HPSE2: variants seen among roughly 807,000 people sequenced by gnomAD.
The protein encoded by HPSE2 is heparanase 2 (inactive).
HPSE2 carries 38 observed loss-of-function variants against 60.5 expected under a neutral mutation model. The ratio of observed to expected loss-of-function variants is 0.63; its 90% CI spans 0.48 to 0.82. The LOEUF (loss-of-function observed/expected upper bound fraction) is 0.82. Among genes scored for constraint, HPSE2 ranks in the 40% least tolerant of loss-of-function variants. HPSE2 has a pLI of 0.00. For synonymous variants in HPSE2, 295 were observed against 293.2 expected (o/e 1.01, Z -0.06); for missense variants, 713 against 740.4 (o/e 0.96, Z 0.43).
At chr10:98,618,983 C>T (rs573140298) in intron 8 of HPSE2, among the ~76,000 whole-genome samples, 5 of 152,290 alleles carry the variant, frequency 3.3e-5, no homozygotes, top group East Asian at 3.9e-4. Flanking sequence ...TGCTACACAA[C>T]GTTAGATGCT....
chr10:98,472,367 C>T (rs1376390866), intron 11 of HPSE2, among the ~76,000 whole-genome samples: 4 of 152,250 alleles, frequency 2.6e-5, no homozygotes, highest in Admixed American at 6.5e-5. Context: ...TCTTGCCATT[C>T]GGTGCTCTCA....
intron 2 of HPSE2, among the ~76,000 whole-genome samples, chr10:99,165,616 G>A (rs1416644400): frequency 1.3e-5 from 2 of 151,038 alleles, no homozygotes; most frequent in African/African-American, 2.4e-5. Flanking sequence ...GTGTGATCTC[G>A]GCTCACTGCA....
At chr10:98,935,145 G>T (rs575142119) in intron 3 of HPSE2, among the ~76,000 whole-genome samples, 1 of 142,158 alleles carries the variant, frequency 7.0e-6, no homozygotes, top group Non-Finnish European at 1.5e-5. Context: ...GGTTGCTTAT[G>T]TTCCTCTCTA....
chr10:98,806,907 G>A (rs1453373887), intron 3 of HPSE2, among the ~76,000 whole-genome samples: 2 of 152,164 alleles, frequency 1.3e-5, no homozygotes, highest in Non-Finnish European at 2.9e-5. Context: ...ACTTTGGGAG[G>A]CCGAGGCAGG....
intron 5 of HPSE2, among the ~76,000 whole-genome samples, chr10:98,719,239 T>C (rs1318119748): frequency 2.0e-5 from 3 of 152,150 alleles, no homozygotes; most frequent in Non-Finnish European, 4.4e-5. Flanking sequence ...ACACTTACTA[T>C]GTTCCTAGAT....
intron 6 of HPSE2, among the ~76,000 whole-genome samples, chr10:98,663,703 C>G (rs1229009960): frequency 6.6e-6 from 1 of 152,142 alleles, no homozygotes; most frequent in Non-Finnish European, 1.5e-5. Flanking sequence ...GGAGAACTTT[C>G]CTGAACCCCA....
intron 3 of HPSE2, among the ~76,000 whole-genome samples, chr10:98,818,338 G>A (rs1280638629): frequency 2.0e-5 from 3 of 152,050 alleles, no homozygotes; most frequent in South Asian, 2.1e-4. Context: ...ACCTCCAATC[G>A]GTAGGCATTA....
intron 3 of HPSE2, among the ~76,000 whole-genome samples, chr10:98,854,558 T>C (rs897493059): frequency 2.0e-5 from 3 of 152,118 alleles, no homozygotes; most frequent in African/African-American, 7.2e-5. Context: ...TCACCAAACA[T>C]GGATGTACCT....
chr10:99,308,541 A>T, the HPSE2 span, among the ~76,000 whole-genome samples: 2 of 152,028 alleles, frequency 1.3e-5, no homozygotes, highest in African/African-American at 4.8e-5. Context: ...AAATTCGTTA[A>T]CCCTTTTTCT....
intron 4 of HPSE2, among the ~76,000 whole-genome samples, chr10:98,743,309 G>A (rs1344494246): frequency 6.6e-6 from 1 of 152,090 alleles, no homozygotes; most frequent in Non-Finnish European, 1.5e-5. Flanking sequence ...CTATGTGACT[G>A]CACAGGCTGC....
At chr10:98,576,930 T>C (rs1944657473) in intron 9 of HPSE2, among the ~76,000 whole-genome samples, 1 of 152,006 alleles carries the variant, frequency 6.6e-6, no homozygotes, top group Non-Finnish European at 1.5e-5. Context: ...TCATGGTGAG[T>C]GCAGCTTCTC....
rs573297920 is a variant in HPSE2 at position 98,610,308 on chromosome 10, T to C, written c.1320+4596A>G. Among the ~76,000 whole-genome samples the C allele has an allele frequency of 3.4e-4, 52 of 152,338 alleles. 1 individual carries two copies. The highest frequency in any genetic ancestry group is 2.0e-3 in the Admixed American group (31 of 15,300). ...TGGAGGGAAACAAGGATGGAGCATC[T>C]AGGATCTTGTCCTAGGATCTTGTGA... On this transcript the variant is annotated intron_variant, in intron 9 of 11. Transcript: ENST00000370552.
At chr10:99,073,688 C>T (rs905588894) in intron 3 of HPSE2, among the ~76,000 whole-genome samples, 8 of 152,134 alleles carry the variant, frequency 5.3e-5, no homozygotes, top group Non-Finnish European at 7.4e-5. Flanking sequence ...TCTATAAACA[C>T]GAGCTGTCTC....
At chr10:98,563,630 A>G (rs598076) in intron 9 of HPSE2, among the ~76,000 whole-genome samples, 129,334 of 152,192 alleles carry the variant, frequency 0.85, 56,214 homozygotes, top group East Asian at 1. Flanking sequence ...AGAAAATAAA[A>G]AAATATACAA....
chr10:98,574,271 A>T (rs538274841), intron 9 of HPSE2, among the ~76,000 whole-genome samples: 3 of 152,276 alleles, frequency 2.0e-5, no homozygotes, highest in African/African-American at 7.2e-5. Context: ...TTACTGCAGC[A>T]TTAAAAAACG....
intron 3 of HPSE2, among the ~76,000 whole-genome samples, chr10:98,914,371 G>A (rs562320909): frequency 2.6e-5 from 4 of 152,046 alleles, no homozygotes; most frequent in South Asian, 4.1e-4. Context: ...AGTCAGCCTC[G>A]GGTATGTCTT....
chr10:98,800,513 T>C (rs1039203166), intron 3 of HPSE2, among the ~76,000 whole-genome samples: 4 of 148,430 alleles, frequency 2.7e-5, no homozygotes, highest in Non-Finnish European at 5.9e-5. Context: ...ACATATATAA[T>C]AAAATAAAAT....
At chr10:98,870,141 A>G (rs1289192811) in intron 3 of HPSE2, among the ~76,000 whole-genome samples, 1 of 152,184 alleles carries the variant, frequency 6.6e-6, no homozygotes, top group Non-Finnish European at 1.5e-5. Context: ...ATAACAAACT[A>G]TCCAGTGAAT....
chr10:98,467,958 C>T (rs925639601), intron 11 of HPSE2, among the ~76,000 whole-genome samples: 3 of 152,228 alleles, frequency 2.0e-5, no homozygotes, highest in African/African-American at 7.2e-5. Context: ...CTGCGGCGCC[C>T]GCCACGACTC....
Sources: gnomAD v4.1 joint callset for allele counts (sites outside exome capture counted in the v4.1 genomes callset) on GRCh38, gnomAD v4.1.1 for gene constraint, MANE v1.5 for transcripts, NCBI Gene and HGNC (gene_info 2026-07-23, HGNC 2026-07-21) for gene names.